TAS2R1: variants seen among roughly 807,000 people sequenced by gnomAD.
The protein encoded by TAS2R1 is taste 2 receptor member 1.
For synonymous variants in TAS2R1, 141 were observed against 134.2 expected, an observed-to-expected ratio of 1.05 and a Z score of -0.35; for missense variants, 370 against 353.4, an observed-to-expected ratio of 1.05 and a Z score of -0.38.
Position 9,629,296 on chromosome 5 carries a change from A to G in TAS2R1, c.737T>C (p.Phe246Ser). The G allele has an allele frequency of 6.2e-7, 1 of 1,613,708 alleles. No individual in the cohort carries two copies. Among genetic ancestry groups the G allele is most frequent in the Non-Finnish European group, 8.5e-7 (1 of 1,179,878 alleles). The change falls in exon 1 of 1, where the codon TTT becomes TCT. Residue 246 changes from phenylalanine to serine, a missense_variant. Coordinates refer to ENST00000382492, the MANE Select transcript of TAS2R1 (RefSeq NM_019599.3). ...LYFSHCMIKVFLSSLKFHIRR... is the reference protein window; with the variant it reads ...LYFSHCMIKVSLSSLKFHIRR... ...GATGTGAAACTTTAGAGAAGAGAGA[A>G]AAACTTTTATCATGCAGTGGGAGAA...
At chr5:9,840,833 TTTTATTTATTTA>T in the TAS2R1 span, among the ~76,000 whole-genome samples, 6 of 77,474 alleles carry the variant, frequency 7.7e-5, no homozygotes, top group Non-Finnish European at 1.6e-4. Flanking sequence ...TTTCATTTTA[TTTTATTTATTTA>T]TTTATTTATT....
At chr5:9,739,186 C>T in the TAS2R1 span, among the ~76,000 whole-genome samples, 1 of 152,174 alleles carries the variant, frequency 6.6e-6, no homozygotes, top group Non-Finnish European at 1.5e-5. Context: ...AAGGCACCTG[C>T]TCCCTCACCC....
At chr5:9,635,493 A>G (rs967312868) in intron 2 of TAS2R1, among the ~76,000 whole-genome samples, 1 of 151,836 alleles carries the variant, frequency 6.6e-6, no homozygotes, top group African/African-American at 2.4e-5. Flanking sequence ...CTCTTTCTCT[A>G]TCTTTTGGAA....
At chr5:9,764,343 T>C in the TAS2R1 span, among the ~76,000 whole-genome samples, 2 of 152,224 alleles carry the variant, frequency 1.3e-5, no homozygotes, top group African/African-American at 4.8e-5. Context: ...CTAAGAGCAC[T>C]TTTAAATGTT....
chr5:9,803,703 G>T, the TAS2R1 span, among the ~76,000 whole-genome samples: 1 of 152,148 alleles, frequency 6.6e-6, no homozygotes, highest in Non-Finnish European at 1.5e-5. Context: ...GAGAAAATTT[G>T]CCACTATGAA....
intron 1 of TAS2R1, among the ~76,000 whole-genome samples, chr5:9,672,580 A>G (rs1740790701): frequency 6.6e-6 from 1 of 152,208 alleles, no homozygotes; most frequent in African/African-American, 2.4e-5. Flanking sequence ...TACCACAATG[A>G]GATACTGTCT....
intron 2 of TAS2R1, among the ~76,000 whole-genome samples, chr5:9,652,524 G>A (rs149913674): frequency 3.2e-4 from 48 of 152,264 alleles, no homozygotes; most frequent in African/African-American, 7.2e-4. Flanking sequence ...GCCACAAGAC[G>A]GAAGGATGTG....
chr5:9,634,505 G>A (rs1244024534), upstream of TAS2R1, among the ~76,000 whole-genome samples: 1 of 151,982 alleles, frequency 6.6e-6, no homozygotes, highest in Non-Finnish European at 1.5e-5. Flanking sequence ...ATTTTGATGG[G>A]AATTGCATTG....
chr5:9,830,512 A>G, the TAS2R1 span, among the ~76,000 whole-genome samples: 1 of 152,174 alleles, frequency 6.6e-6, no homozygotes, highest in African/African-American at 2.4e-5. Context: ...ATGACTGACA[A>G]TAGAAAGATG....
At chr5:9,774,749 C>A in the TAS2R1 span, among the ~76,000 whole-genome samples, 7 of 152,360 alleles carry the variant, frequency 4.6e-5, no homozygotes, top group Non-Finnish European at 1.0e-4. Flanking sequence ...GATTACCAGG[C>A]GGAGACTCTT....
chr5:9,845,304 G>A, the TAS2R1 span, among the ~76,000 whole-genome samples: 1 of 152,158 alleles, frequency 6.6e-6, no homozygotes, highest in East Asian at 1.9e-4. Context: ...GGTATTATTG[G>A]TATATTTGCC....
chr5:9,759,548 C>T, the TAS2R1 span, among the ~76,000 whole-genome samples: 1 of 152,136 alleles, frequency 6.6e-6, no homozygotes, highest in African/African-American at 2.4e-5. Flanking sequence ...CTTATACAAA[C>T]TAAAGTTTGA....
the TAS2R1 span, among the ~76,000 whole-genome samples, chr5:9,805,012 A>G: frequency 6.6e-6 from 1 of 152,108 alleles, no homozygotes; most frequent in Admixed American, 6.5e-5. Context: ...TAAACAAAAA[A>G]AAGAAGACAG....
intron 2 of TAS2R1, among the ~76,000 whole-genome samples, chr5:9,653,634 C>G (rs1740352882): frequency 6.6e-6 from 1 of 152,116 alleles, no homozygotes; most frequent in African/African-American, 2.4e-5. Flanking sequence ...CATTCCCATC[C>G]ATAGTGCACA....
the TAS2R1 span, among the ~76,000 whole-genome samples, chr5:9,799,042 G>A: frequency 2.6e-5 from 4 of 152,140 alleles, no homozygotes; most frequent in Non-Finnish European, 5.9e-5. Flanking sequence ...CAACTGCTGG[G>A]ACATGCAGTG....
At chr5:9,892,674 C>G in the TAS2R1 span, among the ~76,000 whole-genome samples, 1 of 152,156 alleles carries the variant, frequency 6.6e-6, no homozygotes, top group Non-Finnish European at 1.5e-5. Flanking sequence ...CTTGACCCCC[C>G]TCCACTGACC....
the TAS2R1 span, among the ~76,000 whole-genome samples, chr5:9,771,337 T>C: frequency 4.6e-5 from 7 of 152,320 alleles, no homozygotes; most frequent in Admixed American, 4.6e-4. Flanking sequence ...TTGCATATGT[T>C]AAACCATCCT....
intron 2 of TAS2R1, among the ~76,000 whole-genome samples, chr5:9,638,486 G>A (rs929246035): frequency 3.9e-5 from 6 of 152,204 alleles, no homozygotes; most frequent in African/African-American, 1.4e-4. Flanking sequence ...GGAATTAGGT[G>A]TTGTCTTCTC....
chr5:9,652,958 G>C (rs1475097216), intron 2 of TAS2R1, among the ~76,000 whole-genome samples: 1 of 152,034 alleles, frequency 6.6e-6, no homozygotes, highest in East Asian at 1.9e-4. Context: ...TCACATTTTA[G>C]TGTGTGTTAC....
Sources: allele counts gnomAD v4.1 joint callset (sites outside exome capture counted in the v4.1 genomes callset), GRCh38; gene constraint gnomAD v4.1.1; transcripts MANE v1.5; gene names NCBI Gene and HGNC (gene_info 2026-07-23, HGNC 2026-07-21).